The following NKAIN2 variants were observed in gnomAD, a reference collection of about 807,000 sequenced individuals.
NKAIN2 encodes sodium/potassium transporting ATPase interacting 2.
In NKAIN2, 14 loss-of-function variants were observed where a neutral mutation model predicts 32.6. The ratio of observed to expected loss-of-function variants is 0.43; its 90% CI spans 0.28 to 0.67. The LOEUF (loss-of-function observed/expected upper bound fraction) is 0.67. Ranked by LOEUF, NKAIN2 falls within the 30% of genes least tolerant of loss-of-function variation. The pLI, the probability that NKAIN2 is intolerant of heterozygous loss-of-function variation, is 0.17. For synonymous variants in NKAIN2, 80 were observed against 87.2 expected (o/e 0.92, Z 0.46); for missense variants, 198 against 258.3 (o/e 0.77, Z 1.60).
At chr6:124,353,476 C>T (rs1415294738) in intron 2 of NKAIN2, among the ~76,000 whole-genome samples, 2 of 151,992 alleles carry the variant, frequency 1.3e-5, no homozygotes, top group Non-Finnish European at 2.9e-5. Context: ...AGGCACAGGC[C>T]GGGCGTGGTG....
chr6:123,805,780 G>GA (rs1773187653), intron 1 of NKAIN2, among the ~76,000 whole-genome samples: 1 of 152,056 alleles, frequency 6.6e-6, no homozygotes, highest in Admixed American at 6.5e-5. Context: ...ATATTATTCA[G>GA]AAAAAGAATA....
intron 1 of NKAIN2, among the ~76,000 whole-genome samples, chr6:123,958,079 G>A (rs920966389): frequency 2.0e-5 from 3 of 152,192 alleles, no homozygotes; most frequent in African/African-American, 7.2e-5. Context: ...CATATCTATT[G>A]TCCACCCAAG....
chr6:124,712,771 A>C lies in NKAIN2; in HGVS notation c.474+54385A>C, dbSNP rs377236025. On this transcript the variant is annotated intron_variant, in intron 4 of 6. Coordinates refer to ENST00000368417, the MANE Select transcript of NKAIN2 (RefSeq NM_001040214.3). ...GCAGAAATCACCTGTCCTCTGCGCC[A>C]CTCATGCTGGGAGCTGTAGACCGGA... Among the ~76,000 whole-genome samples the C allele has an allele frequency of 4.6e-5, 7 of 151,232 alleles. No homozygotes were observed. The East Asian group carries it at 7.9e-4, about 17-fold the overall frequency.
intron 5 of NKAIN2, among the ~76,000 whole-genome samples, chr6:124,807,299 A>G (rs548064710): frequency 2.4e-4 from 37 of 152,298 alleles, no homozygotes; most frequent in African/African-American, 8.2e-4. Flanking sequence ...CTCTCAGACC[A>G]CAGTGCAATC....
At chr6:124,754,149 G>C (rs960803083) in intron 4 of NKAIN2, among the ~76,000 whole-genome samples, 1 of 152,042 alleles carries the variant, frequency 6.6e-6, no homozygotes, top group Non-Finnish European at 1.5e-5. Flanking sequence ...TGTGTACTAT[G>C]ACGATTGAGA....
chr6:123,825,429 A>G (rs890175750), intron 1 of NKAIN2, among the ~76,000 whole-genome samples: 1 of 152,178 alleles, frequency 6.6e-6, no homozygotes, highest in Admixed American at 6.6e-5. Context: ...ATCTGTTTTC[A>G]GAGTATCCTA....
At chr6:124,409,359 A>T (rs1265237587) in intron 3 of NKAIN2, among the ~76,000 whole-genome samples, 3 of 152,044 alleles carry the variant, frequency 2.0e-5, no homozygotes, top group East Asian at 3.9e-4. Context: ...TTATTTTGAG[A>T]TACGTCCCAT....
chr6:124,332,211 A>ATGTG (rs752363149), intron 2 of NKAIN2, among the ~76,000 whole-genome samples: 2 of 151,376 alleles, frequency 1.3e-5, no homozygotes, highest in Non-Finnish European at 2.9e-5. Context: ...ATGCATATAT[A>ATGTG]TGTGTGTGTG....
chr6:124,500,387 T>A (rs1016171039), intron 3 of NKAIN2, among the ~76,000 whole-genome samples: 2 of 151,932 alleles, frequency 1.3e-5, no homozygotes, highest in Non-Finnish European at 1.5e-5. Flanking sequence ...GGTGGCTCGT[T>A]ACTGTAATCC....
At chr6:124,259,453 G>T (rs760008160) in intron 1 of NKAIN2, among the ~76,000 whole-genome samples, 1 of 152,090 alleles carries the variant, frequency 6.6e-6, no homozygotes. Flanking sequence ...TGAAGCTTTC[G>T]AGAAAGTCAG....
chr6:124,007,511 A>G (rs1444328540), intron 1 of NKAIN2, among the ~76,000 whole-genome samples: 3 of 152,202 alleles, frequency 2.0e-5, no homozygotes, highest in African/African-American at 2.4e-5. Flanking sequence ...AGGGATGGCT[A>G]AACTTTCTGC....
intron 1 of NKAIN2, among the ~76,000 whole-genome samples, chr6:123,967,882 G>A (rs1267990): frequency 0.99 from 150,008 of 152,230 alleles, 73,917 homozygotes; most frequent in East Asian, 1. Flanking sequence ...CAGTGTGCTC[G>A]CTCTCTGTGG....
At chr6:124,299,645 CATG>C (rs1385808238) in intron 2 of NKAIN2, among the ~76,000 whole-genome samples, 1 of 152,048 alleles carries the variant, frequency 6.6e-6, no homozygotes, top group Non-Finnish European at 1.5e-5. Context: ...TGCAAAATTC[CATG>C]ATTTTTCTTC....
intron 4 of NKAIN2, among the ~76,000 whole-genome samples, chr6:124,757,854 A>G (rs1778039194): frequency 6.6e-6 from 1 of 152,214 alleles, no homozygotes; most frequent in South Asian, 2.1e-4. Flanking sequence ...AGGAAAGTCA[A>G]TGTTATTGAG....
chr6:124,773,220 G>A (rs888046412), intron 4 of NKAIN2, among the ~76,000 whole-genome samples: 5 of 152,054 alleles, frequency 3.3e-5, no homozygotes, highest in Admixed American at 2.6e-4. Context: ...AAGCCTAATC[G>A]CTCTGGATTG....
At chr6:123,811,815 C>A (rs1241772605) in intron 1 of NKAIN2, among the ~76,000 whole-genome samples, 1 of 151,864 alleles carries the variant, frequency 6.6e-6, no homozygotes, top group Non-Finnish European at 1.5e-5. Context: ...TTTTTCTTCA[C>A]CCACCCATAA....
intron 2 of NKAIN2, among the ~76,000 whole-genome samples, chr6:124,317,114 A>G (rs1168957182): frequency 6.6e-6 from 1 of 150,566 alleles, no homozygotes; most frequent in Non-Finnish European, 1.5e-5. Context: ...CATGGGCAAC[A>G]TAACATCTCT....
intron 4 of NKAIN2, among the ~76,000 whole-genome samples, chr6:124,692,379 T>C (rs912369979): frequency 2.0e-5 from 3 of 152,170 alleles, no homozygotes; most frequent in African/African-American, 7.2e-5. Flanking sequence ...ACCCTCCCGT[T>C]TTGTTATATA....
At chr6:124,731,754 A>T (rs1213331820) in intron 4 of NKAIN2, among the ~76,000 whole-genome samples, 2 of 152,042 alleles carry the variant, frequency 1.3e-5, no homozygotes. Context: ...ATAGAGACTT[A>T]TTTTATACAC....
Sources: allele counts gnomAD v4.1 joint callset (sites outside exome capture counted in the v4.1 genomes callset), GRCh38; gene constraint gnomAD v4.1.1; transcripts MANE v1.5; gene names NCBI Gene and HGNC (gene_info 2026-07-23, HGNC 2026-07-21).